PPP3R1: variants seen among roughly 807,000 people sequenced by gnomAD.
The protein encoded by PPP3R1 is calcineurin subunit B type 1.
Under a neutral mutation model 22.6 loss-of-function variants are expected in PPP3R1, and 5 were observed. That is an observed-to-expected ratio of 0.22 (90% CI 0.12 to 0.46). The LOEUF is 0.46. PPP3R1 is among the 20% of genes least tolerant of loss of function. The pLI, the probability that PPP3R1 is intolerant of heterozygous loss-of-function variation, is 0.99. For synonymous variants in PPP3R1, 56 were observed against 65.2 expected (o/e 0.86, Z 0.68); for missense variants, 61 against 203.2 (o/e 0.30, Z 4.25).
intron 2 of PPP3R1, among the ~76,000 whole-genome samples, chr2:68,206,899 G>T (rs184665806): frequency 4.2e-4 from 64 of 152,286 alleles, no homozygotes; most frequent in Admixed American, 1.6e-3. Context: ...AGAGGACACT[G>T]TGGCTGGGGC....
intron 5 of PPP3R1, among the ~76,000 whole-genome samples, chr2:68,185,143 A>T (rs912142824): frequency 3.3e-5 from 5 of 151,050 alleles, no homozygotes; most frequent in African/African-American, 1.2e-4. Flanking sequence ...CACTCGAACC[A>T]GGGAGTCGGA....
At chr2:68,201,301 T>C (rs1465652050) in intron 2 of PPP3R1, among the ~76,000 whole-genome samples, 1 of 152,150 alleles carries the variant, frequency 6.6e-6, no homozygotes, top group East Asian at 1.9e-4. Flanking sequence ...TATTTAAGAG[T>C]CTTCTTTTAC....
At chr2:68,243,109 G>A (rs1670164734) in intron 1 of PPP3R1, among the ~76,000 whole-genome samples, 1 of 151,912 alleles carries the variant, frequency 6.6e-6, no homozygotes, top group Admixed American at 6.6e-5. Flanking sequence ...CTACTTACAA[G>A]AAATATTTAA....
chr2:68,190,528 T>C (rs977646180), intron 2 of PPP3R1, among the ~76,000 whole-genome samples: 2 of 152,070 alleles, frequency 1.3e-5, no homozygotes, highest in Middle Eastern at 3.2e-3. Flanking sequence ...ATCGCGCCAT[T>C]GAACTCTAGC....
chr2:68,228,863 A>G (rs1256376648), intron 1 of PPP3R1, among the ~76,000 whole-genome samples: 5 of 152,030 alleles, frequency 3.3e-5, no homozygotes, highest in Non-Finnish European at 5.9e-5. Context: ...ATGAAGCTCA[A>G]TGTATTTTTT....
chr2:68,229,809 CAT>C (rs1213209960), intron 1 of PPP3R1, among the ~76,000 whole-genome samples: 1 of 151,840 alleles, frequency 6.6e-6, no homozygotes, highest in Non-Finnish European at 1.5e-5. Flanking sequence ...TTACAGAAAT[CAT>C]ATGATTGGGT....
chr2:68,217,021 C>T, intron 2 of PPP3R1, 71 bp downstream of exon 2: 1 of 1,072,758 alleles, frequency 9.3e-7, no homozygotes, highest in Non-Finnish European at 1.3e-6. Flanking sequence ...TACACACACA[C>T]ACACACACAC....
At position 68,178,980 on chromosome 2, in the gene PPP3R1, C is replaced by G. The variant is rs72832008; in HGVS notation, c.*1983G>C. On this transcript the variant is annotated 3_prime_UTR_variant, in exon 6 of 6. Transcript: ENST00000234310. ...CATAAACCATCCCCTCCCTTACCCA[C>G]CCCCACACACAAACTAAAAAAAAAA... The G allele has an allele frequency of 7.1e-6, 1 of 140,088 alleles. No individual in the cohort carries two copies. Among genetic ancestry groups the G allele is most frequent in the African/African-American group, 2.8e-5 (1 of 36,334 alleles). The allele number at this position is 140,088 out of a possible 1,614,324, so 8.7% of individuals were successfully genotyped here. A position where few individuals can be genotyped will look rare whatever the true frequency, so the allele number is the denominator to read the frequency against.
At chr2:68,206,411 G>C (rs1053759276) in intron 2 of PPP3R1, among the ~76,000 whole-genome samples, 1 of 152,148 alleles carries the variant, frequency 6.6e-6, no homozygotes, top group Admixed American at 6.5e-5. Flanking sequence ...AGAGGTGAGG[G>C]GGGAGGCCAA....
rs1670200945 is a variant in PPP3R1 at position 68,244,657 on chromosome 2, T to TA, written c.3+7467dup. 2.0e-5 allele frequency among the ~76,000 whole-genome samples: 3 copies of TA among 152,178 alleles called. 1 individual carries two copies. Among genetic ancestry groups the TA allele is most frequent in the African/African-American group, 7.2e-5 (3 of 41,440 alleles). On this transcript the variant is annotated intron_variant, in intron 1 of 5. Coordinates refer to ENST00000234310, the MANE Select transcript of PPP3R1 (RefSeq NM_000945.4). ...TTACAGCTCCCTCTCCTGGCTTTTC[T>TA]AATTCTCAAGAATATCCCCATCTTT...
At chr2:68,204,265 C>A (rs573098833) in intron 2 of PPP3R1, among the ~76,000 whole-genome samples, 46 of 151,736 alleles carry the variant, frequency 3.0e-4, no homozygotes, top group African/African-American at 1.0e-3. Context: ...AAAGTCACAA[C>A]GGCCTAGAAT....
chr2:68,246,067 C>CTTTTTTTTTTTTTTTT (rs746584723), intron 1 of PPP3R1, among the ~76,000 whole-genome samples: 7 of 73,800 alleles, frequency 9.5e-5, no homozygotes, highest in Admixed American at 1.9e-4. Context: ...TTCTTTCTTT[C>CTTTTTTTTTTTTTTTT]TTTTTTTTTT....
intron 1 of PPP3R1, among the ~76,000 whole-genome samples, chr2:68,221,722 A>G (rs1300613910): frequency 6.6e-6 from 1 of 152,160 alleles, no homozygotes; most frequent in African/African-American, 2.4e-5. Flanking sequence ...GTGACACAGA[A>G]AATCTTAAAT....
chr2:68,182,993 T>G (rs923196044), intron 5 of PPP3R1, among the ~76,000 whole-genome samples: 7 of 152,210 alleles, frequency 4.6e-5, no homozygotes, highest in African/African-American at 1.7e-4. Flanking sequence ...CTAGACTTTT[T>G]GTCTCCAGGC....
chr2:68,237,372 A>G (rs1307901244), intron 1 of PPP3R1, among the ~76,000 whole-genome samples: 2 of 152,158 alleles, frequency 1.3e-5, no homozygotes, highest in East Asian at 1.9e-4. Flanking sequence ...TTTTACAAAT[A>G]TAACTTTTTT....
chr2:68,192,812 T>A (rs1202146009), intron 2 of PPP3R1, among the ~76,000 whole-genome samples: 2 of 152,154 alleles, frequency 1.3e-5, no homozygotes, highest in Non-Finnish European at 2.9e-5. Flanking sequence ...ATACTTAGCC[T>A]CAAATTTAAA....
chr2:68,201,747 A>T (rs1240599107), intron 2 of PPP3R1, among the ~76,000 whole-genome samples: 2 of 152,162 alleles, frequency 1.3e-5, no homozygotes, highest in African/African-American at 2.4e-5. Flanking sequence ...CATTTGAGTG[A>T]TCATTTGGCT....
At chr2:68,201,200 T>C (rs1244588238) in intron 2 of PPP3R1, among the ~76,000 whole-genome samples, 2 of 152,172 alleles carry the variant, frequency 1.3e-5, no homozygotes, top group Non-Finnish European at 2.9e-5. Context: ...TGCATTTGAA[T>C]GTTAGCTGCA....
chr2:68,210,804 CA>C (rs933308119), intron 2 of PPP3R1, among the ~76,000 whole-genome samples: 1 of 152,076 alleles, frequency 6.6e-6, no homozygotes, highest in African/African-American at 2.4e-5. Context: ...ATCCAAAATC[CA>C]AAATGTTCTG....
Sources: gnomAD v4.1 joint callset for allele counts (sites outside exome capture counted in the v4.1 genomes callset) on GRCh38, gnomAD v4.1.1 for gene constraint, MANE v1.5 for transcripts, NCBI Gene and HGNC (gene_info 2026-07-23, HGNC 2026-07-21) for gene names.